CRISPLD1: variants seen among roughly 807,000 people sequenced by gnomAD.
The protein encoded by CRISPLD1 is cysteine rich secretory protein LCCL domain containing 1.
Under a neutral mutation model 77.5 loss-of-function variants are expected in CRISPLD1, and 60 were observed. The ratio of observed to expected loss-of-function variants is 0.77; its 90% confidence interval spans 0.63 to 0.96. The LOEUF (loss-of-function observed/expected upper bound fraction) is 0.96. Ranked by LOEUF, CRISPLD1 falls within the 40% of genes least tolerant of loss-of-function variation. CRISPLD1 has a pLI of 0.00. For synonymous variants in CRISPLD1, 195 were observed against 200.1 expected (o/e 0.97, Z 0.22); for missense variants, 623 against 615.8 (o/e 1.01, Z -0.12).
At chr8:75,012,196 C>T (rs1054100423) in intron 2 of CRISPLD1, among the ~76,000 whole-genome samples, 1 of 152,012 alleles carries the variant, frequency 6.6e-6, no homozygotes, top group African/African-American at 2.4e-5. Context: ...TTCGTGTTCA[C>T]TTAAGTAATT....
Position 75,012,567 on chromosome 8 carries a change from ACTTTTT to A in CRISPLD1, c.377+21_377+26del. 1 of 1,489,596 alleles carries A rather than the reference ACTTTTT, an allele frequency of 6.7e-7. No individual in the cohort carries two copies. Among genetic ancestry groups the A allele is most frequent in the East Asian group, 2.3e-5 (1 of 44,258 alleles). 92.3% of individuals were successfully genotyped at this position (1,489,596 alleles called of 1,614,324 possible). A position where few individuals can be genotyped will look rare whatever the true frequency, so the allele number is the denominator to read the frequency against. On this transcript the variant is annotated intron_variant, in intron 3 of 14. Coordinates refer to ENST00000262207, the MANE Select transcript of CRISPLD1 (RefSeq NM_031461.6). ...ACTGGGGAAGGTATCTTAAAGCACA[ACTTTTT>A]CTTTATGAAAAAATAAGTGTTTAAA...
intron 12 of CRISPLD1, among the ~76,000 whole-genome samples, chr8:75,020,767 G>T (rs1315808485): frequency 6.6e-6 from 1 of 152,012 alleles, no homozygotes; most frequent in Non-Finnish European, 1.5e-5. Context: ...TCATTATCCA[G>T]TTTTTTAAAT....
intron 2 of CRISPLD1, among the ~76,000 whole-genome samples, chr8:75,000,689 T>G (rs1212975320): frequency 2.0e-5 from 3 of 152,096 alleles, no homozygotes; most frequent in Non-Finnish European, 4.4e-5. Context: ...ATAGCCTCAT[T>G]TACATGCCTC....
At chr8:75,001,832 A>G (rs1026226887) in intron 2 of CRISPLD1, among the ~76,000 whole-genome samples, 1 of 152,076 alleles carries the variant, frequency 6.6e-6, no homozygotes, top group Non-Finnish European at 1.5e-5. Context: ...GCACTATTCC[A>G]TTTTCTTATC....
intron 12 of CRISPLD1, among the ~76,000 whole-genome samples, chr8:75,022,347 G>A (rs1265601245): frequency 1.3e-5 from 2 of 152,018 alleles, no homozygotes; most frequent in Non-Finnish European, 2.9e-5. Flanking sequence ...AGCACTTTGG[G>A]AGGCTGAGGT....
chr8:74,997,187 A>G (rs1812659535), intron 2 of CRISPLD1, among the ~76,000 whole-genome samples: 2 of 152,218 alleles, frequency 1.3e-5, no homozygotes, highest in African/African-American at 4.8e-5. Flanking sequence ...GACTGAATGC[A>G]GAGAGTTAAG....
At chr8:74,990,476 C>G (rs10957746) in intron 2 of CRISPLD1, among the ~76,000 whole-genome samples, 3,023 of 152,134 alleles carry the variant, frequency 0.02, 33 homozygotes, top group East Asian at 0.042. Context: ...TCATTTCTGT[C>G]CTTTTCCCGT....
At chr8:75,007,698 G>A (rs1395479964) in intron 2 of CRISPLD1, among the ~76,000 whole-genome samples, 2 of 117,556 alleles carry the variant, frequency 1.7e-5, no homozygotes, top group African/African-American at 6.7e-5. Flanking sequence ...AAAGAGACAA[G>A]TTCTTACATT....
At chr8:74,986,386 T>G in intron 2 of CRISPLD1, 141 bp downstream of exon 2, 1 of 858,656 alleles carries the variant, frequency 1.2e-6, no homozygotes, top group Non-Finnish European at 1.8e-6. Flanking sequence ...CCTCTGCATA[T>G]TCGTTTATTA....
At chr8:74,993,141 C>G (rs917164995) in intron 2 of CRISPLD1, among the ~76,000 whole-genome samples, 1 of 152,100 alleles carries the variant, frequency 6.6e-6, no homozygotes, top group African/African-American at 2.4e-5. Flanking sequence ...GGCCTTATAA[C>G]TTATTTACCC....
intron 14 of CRISPLD1, among the ~76,000 whole-genome samples, chr8:75,031,512 T>A (rs1279261146): frequency 1.3e-5 from 2 of 151,908 alleles, no homozygotes; most frequent in Non-Finnish European, 2.9e-5. Context: ...AATTTATGAG[T>A]CTGCATTACT....
rs541269713 is a variant in CRISPLD1 at position 75,007,649 on chromosome 8, A to C, written c.259-4784A>C. Among the ~76,000 whole-genome samples the C allele has an allele frequency of 2.8e-5, 4 of 143,078 alleles. No individual in the cohort carries two copies. In the East Asian group the frequency reaches 8.1e-4, roughly 29 times the overall value. 93.9% of individuals were successfully genotyped at this position (143,078 alleles called of 152,430 possible). A position where few individuals can be genotyped will look rare whatever the true frequency, so the allele number is the denominator to read the frequency against. Reference sequence around the variant, plus strand: ...CAGTGGCGCGATCTTGGGATTACAGACGTGAACCATCGACTTTTTTTTTTT... The same window carrying C: ...CAGTGGCGCGATCTTGGGATTACAGCCGTGAACCATCGACTTTTTTTTTTT... On this transcript the variant is annotated intron_variant, in intron 2 of 14. Transcript: ENST00000262207.
Position 75,025,621 on chromosome 8 carries a change from TGTAA to T in CRISPLD1, c.1320+4_1320+7del. 3 of 1,528,510 alleles carry T rather than the reference TGTAA, an allele frequency of 2.0e-6. No individual in the cohort carries two copies. The highest frequency in any genetic ancestry group is 2.7e-6 in the Non-Finnish European group (3 of 1,104,996). The allele number at this position is 1,528,510 out of a possible 1,614,324, so 94.7% of individuals were successfully genotyped here. A position where few individuals can be genotyped will look rare whatever the true frequency, so the allele number is the denominator to read the frequency against. On this transcript the variant is annotated splice_donor_variant and splice_donor_region_variant and intron_variant, in intron 13 of 14. Coordinates refer to ENST00000262207, the MANE Select transcript of CRISPLD1 (RefSeq NM_031461.6). LOFTEE classifies it high-confidence loss of function. Reference sequence around the variant, plus strand: ...TAATTGGAACTCGAGTTTATTCTGATGTAAGTATCCTAATTTATACAGCTGTCAA... The same window carrying T: ...TAATTGGAACTCGAGTTTATTCTGATGTATCCTAATTTATACAGCTGTCAA...
At chr8:75,008,148 A>T (rs534389368) in intron 2 of CRISPLD1, among the ~76,000 whole-genome samples, 1 of 152,296 alleles carries the variant, frequency 6.6e-6, no homozygotes, top group East Asian at 1.9e-4. Flanking sequence ...TGAAGGCGTA[A>T]CTATGCTCTA....
intron 2 of CRISPLD1, among the ~76,000 whole-genome samples, chr8:74,998,040 A>G (rs544246142): frequency 6.6e-6 from 1 of 152,308 alleles, no homozygotes; most frequent in East Asian, 1.9e-4. Flanking sequence ...TTTAGAGAGC[A>G]TGTTTGCAGG....
At chr8:74,998,813 T>C (rs1374208322) in intron 2 of CRISPLD1, among the ~76,000 whole-genome samples, 5 of 152,016 alleles carry the variant, frequency 3.3e-5, no homozygotes, top group South Asian at 2.1e-4. Context: ...TGATTTGCCA[T>C]TGGTCACACC....
At chr8:75,012,705 C>T (rs1812953953) in intron 3 of CRISPLD1, among the ~76,000 whole-genome samples, 154 bp downstream of exon 3, 1 of 152,106 alleles carries the variant, frequency 6.6e-6, no homozygotes, top group Non-Finnish European at 1.5e-5. Flanking sequence ...CCAGAACAAT[C>T]AGCAGTTTTT....
intron 13 of CRISPLD1, 142 bp from the exon 14 acceptor site, chr8:75,029,245 C>A: frequency 1.2e-6 from 1 of 858,956 alleles, no homozygotes; most frequent in Non-Finnish European, 1.8e-6. Flanking sequence ...CTTTTATGCA[C>A]AAAACCTCAT....
rs903779230 is a variant in CRISPLD1 at position 75,016,817 on chromosome 8, A to G, written c.869-64A>G. 1.4e-5 allele frequency: 21 copies of G among 1,519,934 alleles called. No homozygotes were observed. In the Admixed American group the frequency reaches 3.4e-4, roughly 24 times the overall value. The allele number at this position is 1,519,934 out of a possible 1,614,324, so 94.2% of individuals were successfully genotyped here. On this transcript the variant is annotated intron_variant, in intron 7 of 14. Coordinates refer to ENST00000262207, the MANE Select transcript of CRISPLD1 (RefSeq NM_031461.6). ...ATGGAAAAAATTTTGTCATTAGGCT[A>G]TATATAATGAACTACAACTGCTTTT...
Sources: gnomAD v4.1 joint callset for allele counts (sites outside exome capture counted in the v4.1 genomes callset) on GRCh38, gnomAD v4.1.1 for gene constraint, MANE v1.5 for transcripts, NCBI Gene and HGNC (gene_info 2026-07-23, HGNC 2026-07-21) for gene names.